Variants in CCSER2 observed in about 807,000 individuals in gnomAD.
The protein encoded by CCSER2 is coiled-coil serine rich protein 2.
Under a neutral mutation model 92.3 loss-of-function variants are expected in CCSER2, and 46 were observed. The observed-to-expected ratio is 0.50, with a 90% CI of 0.39 to 0.64. CCSER2 has a LOEUF of 0.64. Among genes scored for constraint, CCSER2 ranks in the 30% least tolerant of loss-of-function variants. CCSER2 has a pLI of 0.00. For synonymous variants in CCSER2, 433 were observed against 431.4 expected (o/e 1.00, Z -0.04); for missense variants, 1,244 against 1,238.9 (o/e 1.00, Z -0.06).
intron 5 of CCSER2, among the ~76,000 whole-genome samples, chr10:84,433,964 C>T (rs934800241): frequency 6.6e-6 from 1 of 152,202 alleles, no homozygotes. Context: ...TAAGATCTCA[C>T]TTCACTAACA....
intron 5 of CCSER2, among the ~76,000 whole-genome samples, chr10:84,431,984 G>A (rs930016562): frequency 1.3e-5 from 2 of 152,180 alleles, no homozygotes; most frequent in Non-Finnish European, 2.9e-5. Flanking sequence ...CTGCCAAACT[G>A]TCTTCCAAAG....
At chr10:84,486,609 A>T (rs1175750618) in intron 9 of CCSER2, among the ~76,000 whole-genome samples, 2 of 152,144 alleles carry the variant, frequency 1.3e-5, no homozygotes, top group African/African-American at 4.8e-5. Context: ...TTTCTTGTAA[A>T]TTTGTTTGAG....
At chr10:84,458,051 A>C (rs954765960) in intron 6 of CCSER2, among the ~76,000 whole-genome samples, 2 of 151,894 alleles carry the variant, frequency 1.3e-5, no homozygotes, top group African/African-American at 4.8e-5. Context: ...TCTGCTCTTG[A>C]AGTAAAATTT....
At chr10:84,437,033 A>AT (rs1844198854) in intron 5 of CCSER2, among the ~76,000 whole-genome samples, 1 of 152,022 alleles carries the variant, frequency 6.6e-6, no homozygotes, top group South Asian at 2.1e-4. Flanking sequence ...ATTATATTGG[A>AT]GATAATATTT....
intron 9 of CCSER2, among the ~76,000 whole-genome samples, chr10:84,486,958 A>G (rs565487455): frequency 6.6e-6 from 1 of 152,332 alleles, no homozygotes; most frequent in African/African-American, 2.4e-5. Flanking sequence ...AGCTTTCTAC[A>G]TATGGCTAGC....
intron 7 of CCSER2, 54 bp from the exon 8 acceptor site, chr10:84,470,318 G>GCCT: frequency 1.0e-6 from 1 of 966,110 alleles, no homozygotes; most frequent in Non-Finnish European, 1.4e-6. Flanking sequence ...TTGATTTCAT[G>GCCT]CCTCTCATTA....
At chr10:84,450,439 A>T (rs1845209796) in intron 6 of CCSER2, among the ~76,000 whole-genome samples, 1 of 152,236 alleles carries the variant, frequency 6.6e-6, no homozygotes, top group African/African-American at 2.4e-5. Context: ...ACACATGTAA[A>T]TGCATACCTA....
chr10:84,390,008 G>A (rs1341751459), intron 3 of CCSER2, among the ~76,000 whole-genome samples: 2 of 152,138 alleles, frequency 1.3e-5, no homozygotes, highest in Non-Finnish European at 2.9e-5. Flanking sequence ...GGCTAGATGT[G>A]CTCACTGCTA....
chr10:84,384,604 C>T (rs916306506), intron 3 of CCSER2, among the ~76,000 whole-genome samples: 5 of 152,102 alleles, frequency 3.3e-5, no homozygotes, highest in African/African-American at 9.7e-5. Context: ...GCAAACTAGG[C>T]ATCAAAGGAA....
intron 6 of CCSER2, among the ~76,000 whole-genome samples, chr10:84,457,291 TATTATATATA>T (rs1443166534): frequency 7.6e-5 from 6 of 79,322 alleles, no homozygotes; most frequent in South Asian, 5.8e-4. Flanking sequence ...ATATATTATA[TATTATATATA>T]ATATGTTATA....
At chr10:84,416,349 G>T (rs111465655) in intron 3 of CCSER2, among the ~76,000 whole-genome samples, 2 of 152,044 alleles carry the variant, frequency 1.3e-5, no homozygotes, top group East Asian at 1.9e-4. Context: ...ATTCCTCTCC[G>T]TGAGTGCCGC....
chr10:84,401,942 C>G (rs1222387889), intron 3 of CCSER2, among the ~76,000 whole-genome samples: 2 of 152,136 alleles, frequency 1.3e-5, no homozygotes, highest in Non-Finnish European at 2.9e-5. Context: ...AGGCATGACT[C>G]CTGCCTAGCA....
At chr10:84,503,563 TAGAA>T (rs1387654673) in intron 9 of CCSER2, among the ~76,000 whole-genome samples, 2 of 152,170 alleles carry the variant, frequency 1.3e-5, no homozygotes, top group Non-Finnish European at 1.5e-5. Flanking sequence ...TTTTGGCAAA[TAGAA>T]AGCCTTCCTG....
intron 6 of CCSER2, among the ~76,000 whole-genome samples, chr10:84,457,387 AT>A (rs1845790946): frequency 1.1e-5 from 1 of 94,186 alleles, no homozygotes; most frequent in African/African-American, 4.3e-5. Flanking sequence ...TTTTAAATAT[AT>A]ATTTATTTAA....
chr10:84,514,160 C>T lies in CCSER2; in HGVS notation c.3037C>T (p.Leu1013=), dbSNP rs1222656895. Residue 1013 remains leucine, a synonymous_variant, in exon 10 of 10, where the codon CTA becomes TTA. Coordinates refer to ENST00000372088, the MANE Select transcript of CCSER2 (RefSeq NM_001284240.2). The part of the protein sequence containing the change: ...FQAKTSIPRP[L]TQRKEIMQNP... ...GGCCAAGACAAGCATCCCAAGGCCA[C>T]TAACACAACGAAAAGAAATCATGCA... The T allele has an allele frequency of 1.3e-6, 2 of 1,536,322 alleles. No homozygotes were observed. Among genetic ancestry groups the T allele is most frequent in the East Asian group, 4.9e-5 (2 of 40,926 alleles).
intron 1 of CCSER2, among the ~76,000 whole-genome samples, chr10:84,366,184 TC>T (rs1845767238): frequency 6.6e-6 from 1 of 152,142 alleles, no homozygotes; most frequent in Non-Finnish European, 1.5e-5. Flanking sequence ...GCTCAAGCGA[TC>T]CTTTCGCCTC....
intron 3 of CCSER2, among the ~76,000 whole-genome samples, chr10:84,385,973 T>TA (rs963545919): frequency 2.7e-5 from 4 of 150,510 alleles, no homozygotes; most frequent in Non-Finnish European, 4.4e-5. Flanking sequence ...CCAACAAACA[T>TA]AAAAAAAACT....
intron 1 of CCSER2, among the ~76,000 whole-genome samples, chr10:84,367,092 G>A (rs1182651578): frequency 6.6e-6 from 1 of 151,958 alleles, no homozygotes; most frequent in Non-Finnish European, 1.5e-5. Context: ...TTTTTTAAAG[G>A]TGATTTTTTT....
At chr10:84,357,554 A>G (rs2133099275) in intron 1 of CCSER2, among the ~76,000 whole-genome samples, 1 of 148,088 alleles carries the variant, frequency 6.8e-6, no homozygotes, top group African/African-American at 2.5e-5. Context: ...GGCTCACGCC[A>G]TTCTCCAGCC....
Sources: allele counts gnomAD v4.1 joint callset (sites outside exome capture counted in the v4.1 genomes callset), GRCh38; gene constraint gnomAD v4.1.1; transcripts MANE v1.5; gene names NCBI Gene and HGNC (gene_info 2026-07-23, HGNC 2026-07-21).